SLIT2: variants seen among roughly 807,000 people sequenced by gnomAD.
SLIT2 encodes the protein slit homolog 2 protein.
In SLIT2, 41 loss-of-function variants were observed where a neutral mutation model predicts 185.7. The ratio of observed to expected loss-of-function variants is 0.22; its 90% CI spans 0.17 to 0.29. The LOEUF (loss-of-function observed/expected upper bound fraction) is 0.29. SLIT2 is among the 10% of genes least tolerant of loss of function. SLIT2 has a pLI of 1.00. For missense variants in SLIT2, 1,571 were observed against 1,909.0 expected, an observed-to-expected ratio of 0.82 and a Z score of 3.30; for synonymous variants, 693 against 680.2, an observed-to-expected ratio of 1.02 and a Z score of -0.29.
chr4:20,345,532 T>G (rs1341490315), intron 4 of SLIT2, among the ~76,000 whole-genome samples: 1 of 132,320 alleles, frequency 7.6e-6, no homozygotes, highest in Non-Finnish European at 1.6e-5. Context: ...CTTTTTTCCT[T>G]TTTTCTTTTT....
intron 34 of SLIT2, among the ~76,000 whole-genome samples, chr4:20,614,503 C>T (rs1340743341): frequency 4.6e-5 from 7 of 151,984 alleles, no homozygotes; most frequent in East Asian, 1.9e-4. Flanking sequence ...TCTGGCCAGG[C>T]GTGGTGGCTC....
intron 29 of SLIT2, among the ~76,000 whole-genome samples, chr4:20,577,393 TC>T (rs1434532407): frequency 2.0e-5 from 3 of 152,180 alleles, no homozygotes; most frequent in African/African-American, 7.2e-5. Flanking sequence ...TCTTGAACCT[TC>T]CTATTTTGAA....
chr4:20,576,631 C>G (rs1726105752), intron 29 of SLIT2, among the ~76,000 whole-genome samples: 1 of 152,174 alleles, frequency 6.6e-6, no homozygotes, highest in Non-Finnish European at 1.5e-5. Flanking sequence ...AAGTTGCCAT[C>G]TGTTTTTACT....
intron 4 of SLIT2, among the ~76,000 whole-genome samples, chr4:20,387,343 AAAAT>A (rs1725013066): frequency 6.6e-6 from 1 of 152,150 alleles, no homozygotes; most frequent in African/African-American, 2.4e-5. Context: ...TTAGAAGAGT[AAAAT>A]AAACCCATTC....
chr4:20,500,428 T>C (rs977673876), intron 9 of SLIT2, among the ~76,000 whole-genome samples: 13 of 152,130 alleles, frequency 8.5e-5, no homozygotes, highest in Non-Finnish European at 1.8e-4. Flanking sequence ...CTACTTCAAA[T>C]CCACTCACAA....
intron 4 of SLIT2, among the ~76,000 whole-genome samples, chr4:20,380,216 A>C (rs908311550): frequency 1.4e-4 from 22 of 152,328 alleles, no homozygotes; most frequent in African/African-American, 5.3e-4. Context: ...AATTAGTCCC[A>C]GATCAAATGC....
At chr4:20,601,525 G>C (rs1054507206) in intron 33 of SLIT2, among the ~76,000 whole-genome samples, 1 of 152,118 alleles carries the variant, frequency 6.6e-6, no homozygotes, top group South Asian at 2.1e-4. Context: ...GGCATGACAG[G>C]TGCAATGGAT....
chr4:20,597,080 T>C (rs1728044387), intron 32 of SLIT2, among the ~76,000 whole-genome samples: 1 of 150,910 alleles, frequency 6.6e-6, no homozygotes. Flanking sequence ...TTTTTTTTTT[T>C]TTTGAGACAG....
rs1729916123 is a variant in SLIT2, at chr4:20,619,243, A to G, written c.*234A>G. The G allele has an allele frequency of 2.5e-6, 1 of 402,782 alleles. No homozygotes were observed. The highest frequency in any genetic ancestry group is 4.0e-5 in the South Asian group (1 of 25,068). The allele number at this position is 402,782 out of a possible 1,614,324, so 25.0% of individuals were successfully genotyped here. On this transcript the variant is annotated 3_prime_UTR_variant, in exon 37 of 37. Coordinates refer to ENST00000504154, the MANE Select transcript of SLIT2 (RefSeq NM_004787.4). The stretch of plus-strand genomic sequence containing the variant: ...TATGAAGAAAGATATACCTGGAGAC[A>G]TTAGAACAGCGATGGGAACCATTGC...
chr4:20,549,001 TATTTGGCC>T (rs2148888803), intron 23 of SLIT2, 48 bp from the exon 24 acceptor site: 2 of 949,850 alleles, frequency 2.1e-6, no homozygotes, highest in East Asian at 4.8e-5. Context: ...TTTTTGGAAG[TATTTGGCC>T]ATTTTTGGAT....
intron 4 of SLIT2, among the ~76,000 whole-genome samples, chr4:20,335,981 C>T (rs552230356): frequency 1.1e-4 from 17 of 152,046 alleles, no homozygotes; most frequent in Middle Eastern, 6.8e-3. Flanking sequence ...TGAGTTTAGC[C>T]GACCAACATG....
chr4:20,462,892 G>T (rs748917929), intron 4 of SLIT2, among the ~76,000 whole-genome samples: 2 of 152,070 alleles, frequency 1.3e-5, no homozygotes, highest in South Asian at 2.1e-4. Flanking sequence ...AATTTAGCAG[G>T]TATACTCAGG....
chr4:20,278,824 G>A (rs1714437040), intron 4 of SLIT2, among the ~76,000 whole-genome samples: 1 of 140,512 alleles, frequency 7.1e-6, no homozygotes, highest in African/African-American at 2.6e-5. Context: ...GCGGTGGGGG[G>A]AGGGCGTGTG....
intron 4 of SLIT2, among the ~76,000 whole-genome samples, chr4:20,420,867 G>T (rs1045509438): frequency 6.6e-6 from 1 of 152,128 alleles, no homozygotes; most frequent in African/African-American, 2.4e-5. Context: ...TCTGTCTGCT[G>T]TGTGAGGATA....
In SLIT2 at chr4:20,480,107, A is replaced by G. The variant is rs116347120; in HGVS notation, c.468-609A>G. Among the ~76,000 whole-genome samples the G allele has an allele frequency of 5.0e-3, 761 of 152,326 alleles. 9 individuals carry two copies. Among genetic ancestry groups the G allele is most frequent in the African/African-American group, 0.017 (726 of 41,582 alleles). ...GATAAAGAATGTGAATTAGTAGGAT[A>G]GTGACACTTAATATAGAACAAATAC... On this transcript the variant is annotated intron_variant, in intron 5 of 36. Transcript: ENST00000504154.
chr4:20,519,679 A>G (rs867001132), intron 12 of SLIT2, among the ~76,000 whole-genome samples: 13 of 152,140 alleles, frequency 8.5e-5, no homozygotes, highest in African/African-American at 2.7e-4. Context: ...TCATGAATGT[A>G]TGCATTCTGG....
rs140442169 is a variant in SLIT2 at position 20,386,579 on chromosome 4, T to C, written c.396-81173T>C. 8.5e-3 allele frequency among the ~76,000 whole-genome samples: 1,298 copies of C among 152,312 alleles called. 11 individuals are homozygous for C. Among genetic ancestry groups the C allele is most frequent in the South Asian group, 0.037 (178 of 4,824 alleles). On this transcript the variant is annotated intron_variant, in intron 4 of 36. Transcript: ENST00000504154. ...AATACCAATGTGCAAGCCTCACTTT[T>C]TGATTTTTCAGAACATACTGAAATT... is the stretch of plus-strand genomic sequence containing the variant.
Position 20,254,083 on chromosome 4 carries a change from T to A in SLIT2, c.179+89T>A. ...AGGAACCTGTCAGCTCAGGGTCCTGTGCCTGGGGCAGCCCTCGCTAGCTCT... is the reference window on the plus strand; with the variant it reads ...AGGAACCTGTCAGCTCAGGGTCCTGAGCCTGGGGCAGCCCTCGCTAGCTCT... On this transcript the variant is annotated intron_variant, in intron 1 of 36. Transcript: ENST00000504154. The surrounding 1 kb of genome is among the most constrained non-coding windows in gnomAD (Gnocchi z 5.1). The A allele has an allele frequency of 7.4e-7, 1 of 1,357,914 alleles. No homozygotes were observed. Among genetic ancestry groups the A allele is most frequent in the Non-Finnish European group, 1.0e-6 (1 of 987,528 alleles). 84.1% of individuals were successfully genotyped at this position (1,357,914 alleles called of 1,614,324 possible).
At chr4:20,461,187 C>T (rs1391232282) in intron 4 of SLIT2, among the ~76,000 whole-genome samples, 1 of 151,956 alleles carries the variant, frequency 6.6e-6, no homozygotes, top group African/African-American at 2.4e-5. Context: ...GAAGTAGGTG[C>T]TTGAGGCAAA....
Sources: allele counts gnomAD v4.1 joint callset (sites outside exome capture counted in the v4.1 genomes callset), GRCh38; gene constraint gnomAD v4.1.1; non-coding constraint Gnocchi (gnomAD v3.1); transcripts MANE v1.5; gene names NCBI Gene and HGNC (gene_info 2026-07-23, HGNC 2026-07-21).